HECW1: variants seen among roughly 807,000 people sequenced by gnomAD.
HECW1 encodes E3 ubiquitin-protein ligase HECW1.
In HECW1, 61 loss-of-function variants were observed where a neutral mutation model predicts 182.3. That is an observed-to-expected ratio of 0.33 (90% confidence interval 0.27 to 0.41). The LOEUF (loss-of-function observed/expected upper bound fraction) is 0.41, where lower values mean the gene tolerates loss of function less well. Ranked by LOEUF, HECW1 falls within the 10% of genes least tolerant of loss-of-function variation. HECW1 has a pLI of 1.00. For synonymous variants in HECW1, 859 were observed against 832.6 expected (o/e 1.03, Z -0.55); for missense variants, 1,739 against 2,108.9 (o/e 0.82, Z 3.44).
At position 43,561,966 on chromosome 7, in the gene HECW1, A is replaced by G. The variant is rs776931605; in HGVS notation, c.*40A>G. The G allele has an allele frequency of 1.7e-6, 2 of 1,161,170 alleles. No homozygotes were observed. The highest frequency in any genetic ancestry group is 2.6e-6 in the Non-Finnish European group (2 of 767,844). The allele number at this position is 1,161,170 out of a possible 1,614,324, so 71.9% of individuals were successfully genotyped here. A position where few individuals can be genotyped will look rare whatever the true frequency, so the allele number is the denominator to read the frequency against. On this transcript the variant is annotated 3_prime_UTR_variant, in exon 30 of 30. Coordinates refer to ENST00000395891, the MANE Select transcript of HECW1 (RefSeq NM_015052.5). ...GCCTGACATTTTCCTGGCCAGTGAC[A>G]TCACCCTTCCTGGGATGATCCCCTT...
At chr7:43,300,385 A>AG (rs570982723) in intron 3 of HECW1, among the ~76,000 whole-genome samples, 114 of 152,336 alleles carry the variant, frequency 7.5e-4, no homozygotes, top group African/African-American at 2.7e-3. Flanking sequence ...GAGTGATGAC[A>AG]GGGAAGGAAC....
At chr7:43,210,890 G>A (rs1373542211) in intron 2 of HECW1, among the ~76,000 whole-genome samples, 1 of 152,226 alleles carries the variant, frequency 6.6e-6, no homozygotes, top group Non-Finnish European at 1.5e-5. Flanking sequence ...AGGTCCAGCC[G>A]TGACAAACAC....
intron 2 of HECW1, among the ~76,000 whole-genome samples, chr7:43,224,295 A>G (rs1472670067): frequency 6.6e-6 from 1 of 152,226 alleles, no homozygotes; most frequent in Admixed American, 6.5e-5. Context: ...TATCAGTAAG[A>G]CATTATCCCT....
At chr7:43,151,345 T>G (rs1208086392) in intron 2 of HECW1, among the ~76,000 whole-genome samples, 1 of 152,208 alleles carries the variant, frequency 6.6e-6, no homozygotes, top group African/African-American at 2.4e-5. Flanking sequence ...TAGTAAACCT[T>G]GTAAAAATGA....
chr7:43,395,720 C>T (rs1186703219), intron 6 of HECW1, among the ~76,000 whole-genome samples: 1 of 152,170 alleles, frequency 6.6e-6, no homozygotes, highest in African/African-American at 2.4e-5. Flanking sequence ...CTCACAGGCT[C>T]ACCAGGGGCA....
At chr7:43,498,525 A>G (rs1004938887) in intron 19 of HECW1, among the ~76,000 whole-genome samples, 3 of 152,194 alleles carry the variant, frequency 2.0e-5, no homozygotes, top group Non-Finnish European at 4.4e-5. Flanking sequence ...AGGTGGTGTC[A>G]GGATTTGGAG....
intron 24 of HECW1, among the ~76,000 whole-genome samples, chr7:43,527,136 C>T (rs752634139): frequency 1.6e-4 from 24 of 152,178 alleles, no homozygotes; most frequent in Non-Finnish European, 3.1e-4. Flanking sequence ...TAGATAAATT[C>T]CCTTCTTGCG....
chr7:43,519,778 AAGAAAAGC>A (rs1430322219), intron 24 of HECW1, among the ~76,000 whole-genome samples: 1 of 152,234 alleles, frequency 6.6e-6, no homozygotes, highest in Admixed American at 6.5e-5. Context: ...TTGTTGAGAG[AAGAAAAGC>A]AGAAAAGCAT....
intron 5 of HECW1, among the ~76,000 whole-genome samples, chr7:43,356,474 C>T (rs1815151414): frequency 6.6e-6 from 1 of 152,016 alleles, no homozygotes; most frequent in Non-Finnish European, 1.5e-5. Flanking sequence ...GACTTCAATA[C>T]CCCACTCTCC....
chr7:43,550,516 C>G lies in HECW1; in HGVS notation c.4320C>G (p.Ile1440Met). The G allele has an allele frequency of 3.1e-6, 5 of 1,614,018 alleles. No homozygotes were observed. Among genetic ancestry groups the G allele is most frequent in the Non-Finnish European group, 3.4e-6 (4 of 1,179,964 alleles). ...CGGAGAAAAACAAGAAGGAGTACAT[C>G]GAGCGCATGGTGAAGTGGCGGGTGG... Reference protein sequence around the residue: ...QVTEKNKKEYIERMVKWRVER... With the variant: ...QVTEKNKKEYMERMVKWRVER... The change falls in exon 27 of 30, where the codon ATC becomes ATG. Residue 1440 changes from isoleucine to methionine, a missense_variant. Physicochemically the swap from Ile to Met is conservative, Grantham distance 10 (BLOSUM62 1). This residue lies in a region of HECW1 where 420 missense variants were observed against 595.7 expected (regional missense o/e 0.71). Coordinates refer to ENST00000395891, the MANE Select transcript of HECW1 (RefSeq NM_015052.5).
At chr7:43,276,914 G>T (rs1434684013) in intron 3 of HECW1, among the ~76,000 whole-genome samples, 1 of 152,164 alleles carries the variant, frequency 6.6e-6, no homozygotes, top group African/African-American at 2.4e-5. Context: ...TAGAAAGTGC[G>T]TTCAGCAGAA....
intron 21 of HECW1, among the ~76,000 whole-genome samples, chr7:43,502,975 T>C (rs1356698449): frequency 3.9e-5 from 6 of 152,204 alleles, no homozygotes; most frequent in African/African-American, 1.4e-4. Flanking sequence ...TCAGAGTTAG[T>C]ATCATTCAGT....
At chr7:43,415,541 C>T (rs7384889) in intron 8 of HECW1, among the ~76,000 whole-genome samples, 40,855 of 151,786 alleles carry the variant, frequency 0.27, 6,247 homozygotes, top group East Asian at 0.7. Flanking sequence ...ATCTTTGTGG[C>T]GTTCTCTGTA....
At chr7:43,340,880 C>G (rs1812889259) in intron 5 of HECW1, among the ~76,000 whole-genome samples, 1 of 151,634 alleles carries the variant, frequency 6.6e-6, no homozygotes, top group Non-Finnish European at 1.5e-5. Context: ...TGTGGCAATA[C>G]TCACAATAGC....
intron 8 of HECW1, among the ~76,000 whole-genome samples, chr7:43,411,344 T>C (rs1455335509): frequency 2.0e-5 from 3 of 152,164 alleles, no homozygotes; most frequent in African/African-American, 7.2e-5. Context: ...TTAGAGAACA[T>C]ACTCTATATG....
intron 6 of HECW1, 90 bp from the exon 7 acceptor site, chr7:43,396,724 A>T: frequency 1.2e-6 from 1 of 864,916 alleles, no homozygotes; most frequent in African/African-American, 1.7e-5. Context: ...TAGCTGGTAA[A>T]ATCACTGTGA....
At chr7:43,465,789 G>A (rs76464744) in intron 14 of HECW1, among the ~76,000 whole-genome samples, 6,211 of 152,148 alleles carry the variant, frequency 0.041, 178 homozygotes, top group Non-Finnish European at 0.058. Flanking sequence ...TACTCAGCAG[G>A]CTGAGTATCT....
Position 43,243,803 on chromosome 7 carries a change from T to G in HECW1, c.-31-72T>G. On this transcript the variant is annotated intron_variant, in intron 2 of 29. Coordinates refer to ENST00000395891, the MANE Select transcript of HECW1 (RefSeq NM_015052.5). The surrounding 1 kb of genome is among the most constrained non-coding windows in gnomAD (Gnocchi z 4.0). ...CGGGGGTGGGGGAAACAATGTTGTT[T>G]GTGTGGGTAATGTTGCTGATTTTGT... 8.6e-7 allele frequency: 1 copy of G among 1,158,408 alleles called. No homozygotes were observed. The highest frequency in any genetic ancestry group is 1.3e-6 in the Non-Finnish European group (1 of 764,758). 71.8% of individuals were successfully genotyped at this position (1,158,408 alleles called of 1,614,324 possible).
intron 5 of HECW1, among the ~76,000 whole-genome samples, chr7:43,352,229 A>T (rs984765797): frequency 1.3e-5 from 2 of 152,146 alleles, no homozygotes; most frequent in Admixed American, 1.3e-4. Context: ...CTAGGGGAAA[A>T]AACTTTCAGG....
Sources: allele counts gnomAD v4.1 joint callset (sites outside exome capture counted in the v4.1 genomes callset), GRCh38; gene constraint gnomAD v4.1.1; regional missense constraint gnomAD v4.1.1; non-coding constraint Gnocchi (gnomAD v3.1); transcripts MANE v1.5; gene names NCBI Gene and HGNC (gene_info 2026-07-23, HGNC 2026-07-21).